Variants in CD55 observed in about 807,000 individuals in gnomAD.
CD55 encodes complement decay-accelerating factor.
A neutral mutation model predicts 45.8 loss-of-function variants in CD55; 41 were observed. That is an observed-to-expected ratio of 0.90 (90% confidence interval 0.70 to 1.16). CD55 has a LOEUF of 1.16. Among genes scored for constraint, CD55 ranks in the 50% most tolerant of loss-of-function variants. CD55 has a pLI of 0.00. For missense variants in CD55, 416 were observed against 469.8 expected (o/e 0.89, Z 1.06); for synonymous variants, 181 against 181.1 (o/e 1.00, Z 0.01).
intron 9 of CD55, chr1:207,340,642 T>C (rs1222943649): frequency 3.0e-6 from 2 of 656,852 alleles, no homozygotes; most frequent in Admixed American, 2.2e-5. Flanking sequence ...GTTGCGATTA[T>C]AAGTGTGAGC....
intron 4 of CD55, among the ~76,000 whole-genome samples, chr1:207,326,417 C>T (rs902181122): frequency 1.3e-5 from 2 of 152,102 alleles, no homozygotes; most frequent in African/African-American, 4.8e-5. Context: ...TAAGTACATT[C>T]TATTATTCTG....
At chr1:207,340,275 G>A (rs756588876) in intron 9 of CD55, 76 of 299,972 alleles carry the variant, frequency 2.5e-4, no homozygotes, top group Non-Finnish European at 4.1e-4. Context: ...TTCCATTCAT[G>A]TTGCTGCAAA....
chr1:207,321,894 C>A, intron 1 of CD55, 29 bp downstream of exon 1: 1 of 1,464,952 alleles, frequency 6.8e-7, no homozygotes, highest in Non-Finnish European at 9.1e-7. Flanking sequence ...GCCGGGGAAG[C>A]CCCTGGGCTG....
Position 207,331,248 on chromosome 1 carries a change from G to A in CD55, c.805G>A (p.Val269Met). ...MIGEHSIYCT[V>M]NNDEGEWSGP... ...TGGAGAGCACTCTATTTATTGTACT[G>A]TGAATAATGATGAAGGAGAGTGGAG... Residue 269 changes from valine to methionine, a missense_variant, in exon 6 of 10, where the codon GTG (valine) becomes ATG (methionine). Around this residue, in one of 3 missense-constraint regions of CD55, gnomAD observed 182 missense variants for 201.4 expected, o/e 0.90. Transcript: ENST00000367064. The A allele has an allele frequency of 6.2e-7, 1 of 1,613,862 alleles. No homozygotes were observed. Among genetic ancestry groups the A allele is most frequent in the Non-Finnish European group, 8.5e-7 (1 of 1,179,792 alleles).
chr1:207,347,006 A>T (rs1406350312), intron 9 of CD55: 1 of 433,854 alleles, frequency 2.3e-6, no homozygotes, highest in African/African-American at 2.0e-5. Context: ...AGGCAATCTC[A>T]GCCAAACAGG....
intron 6 of CD55, 110 bp downstream of exon 6, chr1:207,331,406 AT>A: frequency 1.2e-6 from 1 of 821,714 alleles, no homozygotes; most frequent in Non-Finnish European, 2.0e-6. Context: ...ATGTTTACAT[AT>A]ACATATTTGT....
intron 5 of CD55, among the ~76,000 whole-genome samples, chr1:207,330,770 C>A (rs1654907425): frequency 6.6e-6 from 1 of 152,192 alleles, no homozygotes; most frequent in Non-Finnish European, 1.5e-5. Context: ...ACACTGCTTT[C>A]ATCTCTAAAA....
At position 207,331,165 on chromosome 1, in the gene CD55, A is replaced by G; in HGVS notation, c.722A>G (p.Asp241Gly). The change falls in exon 6 of 10, where the codon GAC becomes GGC. Residue 241 changes from aspartate (D) to glycine (G), a missense_variant. Physicochemically the swap from Asp to Gly is moderately conservative, Grantham distance 94. This residue lies in a region of CD55 where 182 missense variants were observed against 201.4 expected (regional missense o/e 0.90). Transcript: ENST00000367064. ...IDNGIIQGER[D>G]HYGYRQSVTY... ...AATGGAATAATTCAAGGGGAACGTGACCATTATGGATATAGACAGTCTGTA... is the reference window on the plus strand; with the variant it reads ...AATGGAATAATTCAAGGGGAACGTGGCCATTATGGATATAGACAGTCTGTA... 1.2e-6 allele frequency: 2 copies of G among 1,613,678 alleles called. No individual in the cohort carries two copies. Among genetic ancestry groups the G allele is most frequent in the Non-Finnish European group, 1.7e-6 (2 of 1,179,628 alleles).
chr1:207,339,901 G>T (rs930889249), intron 9 of CD55, among the ~76,000 whole-genome samples: 3 of 152,164 alleles, frequency 2.0e-5, no homozygotes, highest in African/African-American at 7.2e-5. Flanking sequence ...TGCATGGACT[G>T]TGTGATTCTC....
chr1:207,334,418 C>T (rs1655081110), intron 6 of CD55, among the ~76,000 whole-genome samples: 1 of 151,914 alleles, frequency 6.6e-6, no homozygotes, highest in Non-Finnish European at 1.5e-5. Flanking sequence ...GAAAATAATG[C>T]CAGGTAAAAC....
intron 9 of CD55, among the ~76,000 whole-genome samples, chr1:207,349,502 T>C (rs1457271742): frequency 6.6e-6 from 1 of 152,220 alleles, no homozygotes; most frequent in African/African-American, 2.4e-5. Flanking sequence ...TTTAAAAATA[T>C]TTATTCTTCC....
At chr1:207,330,394 TC>T (rs1453310399) in intron 5 of CD55, among the ~76,000 whole-genome samples, 18 of 152,054 alleles carry the variant, frequency 1.2e-4, no homozygotes, top group Admixed American at 4.6e-4. Flanking sequence ...GAATTTTTTC[TC>T]AGGGTAACTG....
At chr1:207,357,066 A>G (rs1656104132) in intron 9 of CD55, among the ~76,000 whole-genome samples, 1 of 152,144 alleles carries the variant, frequency 6.6e-6, no homozygotes, top group South Asian at 2.1e-4. Context: ...TTTACCCTCT[A>G]CAATTTTTCT....
chr1:207,339,133 TG>T (rs1199817665), intron 8 of CD55, among the ~76,000 whole-genome samples: 4 of 152,186 alleles, frequency 2.6e-5, no homozygotes, highest in African/African-American at 9.6e-5. Context: ...AAATGGCATT[TG>T]TTTTGGTAAT....
chr1:207,352,509 G>A (rs1206663511), intron 9 of CD55, among the ~76,000 whole-genome samples: 1 of 151,978 alleles, frequency 6.6e-6, no homozygotes, highest in Non-Finnish European at 1.5e-5. Context: ...TTAACCTCTG[G>A]AGTCAAACCA....
intron 6 of CD55, 136 bp downstream of exon 6, chr1:207,331,432 C>A: frequency 1.5e-6 from 1 of 681,242 alleles, no homozygotes; most frequent in Non-Finnish European, 2.5e-6. Context: ...TTCTGTGGGA[C>A]ACAATTTTTC....
At chr1:207,345,587 A>C (rs1655599797) in intron 9 of CD55, among the ~76,000 whole-genome samples, 1 of 151,818 alleles carries the variant, frequency 6.6e-6, no homozygotes, top group South Asian at 2.1e-4. Context: ...TTTACTTTTG[A>C]TTGGGATCTG....
At chr1:207,323,445 A>G (rs1027703551) in intron 2 of CD55, among the ~76,000 whole-genome samples, 7 of 152,132 alleles carry the variant, frequency 4.6e-5, no homozygotes, top group African/African-American at 1.7e-4. Flanking sequence ...ATTAAAAGAA[A>G]TGAAGATTTC....
rs147483928 is a variant in CD55 at position 207,331,134 on chromosome 1, A to G, written c.691A>G (p.Ile231Val). The change falls in exon 6 of 10, where the codon ATT (isoleucine) becomes GTT (valine). Residue 231 changes from isoleucine (I) to valine (V), a missense_variant. By Grantham distance (29) the Ile-to-Val change is conservative. Around this residue, in one of 3 missense-constraint regions of CD55, gnomAD observed 182 missense variants for 201.4 expected, o/e 0.90. Transcript: ENST00000367064. ...AATTTATTGTCCAGCACCACCACAAATTGACAATGGAATAATTCAAGGGGA... is the reference window on the plus strand; with the variant it reads ...AATTTATTGTCCAGCACCACCACAAGTTGACAATGGAATAATTCAAGGGGA... ...REIYCPAPPQIDNGIIQGERD... is the reference protein window; with the variant it reads ...REIYCPAPPQVDNGIIQGERD... 258 of 1,613,024 alleles carry G rather than the reference A, an allele frequency of 1.6e-4. No homozygotes were observed. The highest frequency in any genetic ancestry group is 3.0e-4 in the Admixed American group (18 of 59,920).
Sources: gnomAD v4.1 joint callset for allele counts (sites outside exome capture counted in the v4.1 genomes callset) on GRCh38, gnomAD v4.1.1 for gene constraint, gnomAD v4.1.1 regional missense constraint, MANE v1.5 for transcripts, NCBI Gene and HGNC (gene_info 2026-07-23, HGNC 2026-07-21) for gene names.